Variants in NRXN3 observed in about 807,000 individuals in gnomAD.
NRXN3 encodes neurexin 3, also known as neurexin III.
Under a neutral mutation model 137.6 loss-of-function variants are expected in NRXN3, and 32 were observed. The ratio of observed to expected loss-of-function variants is 0.23; its 90% confidence interval spans 0.18 to 0.31. NRXN3 has a LOEUF of 0.31. Among genes scored for constraint, NRXN3 ranks in the 10% least tolerant of loss-of-function variants. The pLI is 1.00. For missense variants in NRXN3, 1,574 were observed against 2,062.5 expected, an observed-to-expected ratio of 0.76 and a Z score of 4.59; for synonymous variants, 798 against 784.5, an observed-to-expected ratio of 1.02 and a Z score of -0.29.
At chr14:79,111,829 A>G (rs2053587377) in intron 15 of NRXN3, among the ~76,000 whole-genome samples, 2 of 152,240 alleles carry the variant, frequency 1.3e-5, no homozygotes, top group Non-Finnish European at 1.5e-5. Flanking sequence ...AAAAATTGGG[A>G]AAAAAGGAAA....
intron 20 of NRXN3, among the ~76,000 whole-genome samples, chr14:79,827,479 C>T (rs2099308510): frequency 6.6e-6 from 1 of 152,062 alleles, no homozygotes; most frequent in South Asian, 2.1e-4. Flanking sequence ...GTGTGTTAGG[C>T]TATTCTTGCA....
chr14:79,744,344 A>T (rs1274195480), intron 19 of NRXN3, among the ~76,000 whole-genome samples: 2 of 152,204 alleles, frequency 1.3e-5, no homozygotes, highest in Non-Finnish European at 2.9e-5. Flanking sequence ...AATATAAATA[A>T]AGCTGAAAAG....
At chr14:78,582,122 T>C (rs747910195) in intron 4 of NRXN3, among the ~76,000 whole-genome samples, 1 of 152,244 alleles carries the variant, frequency 6.6e-6, no homozygotes, top group African/African-American at 2.4e-5. Flanking sequence ...TGATTGTGGG[T>C]GAGCTCATGG....
chr14:79,178,287 T>C (rs577713228), intron 15 of NRXN3, among the ~76,000 whole-genome samples: 2 of 152,276 alleles, frequency 1.3e-5, no homozygotes, highest in Non-Finnish European at 2.9e-5. Flanking sequence ...AATGACCATC[T>C]GTGGTTAAAT....
chr14:79,735,116 C>T (rs1010874137), intron 19 of NRXN3, among the ~76,000 whole-genome samples: 1 of 152,198 alleles, frequency 6.6e-6, no homozygotes, highest in Non-Finnish European at 1.5e-5. Context: ...AATACAGCAG[C>T]TTCTCACTAT....
intron 15 of NRXN3, among the ~76,000 whole-genome samples, chr14:79,296,331 A>G (rs2084110436): frequency 6.6e-6 from 1 of 152,136 alleles, no homozygotes; most frequent in South Asian, 2.1e-4. Context: ...TTAGAGGGGA[A>G]GATGTCACAA....
chr14:78,794,294 A>T (rs2098814507), intron 8 of NRXN3, among the ~76,000 whole-genome samples: 1 of 152,202 alleles, frequency 6.6e-6, no homozygotes, highest in African/African-American at 2.4e-5. Flanking sequence ...AGGCTCAAGA[A>T]TTGCTTGAAC....
chr14:78,789,448 C>T (rs931507976), intron 8 of NRXN3, among the ~76,000 whole-genome samples: 8 of 152,096 alleles, frequency 5.3e-5, no homozygotes, highest in African/African-American at 1.9e-4. Context: ...GCCAGGGATA[C>T]CGCTAGATAT....
At chr14:78,616,035 G>A (rs913146446) in intron 4 of NRXN3, among the ~76,000 whole-genome samples, 7 of 152,212 alleles carry the variant, frequency 4.6e-5, no homozygotes, top group South Asian at 2.1e-4. Context: ...ATCCAAGTCC[G>A]TGCCGCCATC....
intron 8 of NRXN3, among the ~76,000 whole-genome samples, chr14:78,755,063 A>C (rs2098661547): frequency 6.6e-6 from 1 of 152,088 alleles, no homozygotes; most frequent in South Asian, 2.1e-4. Flanking sequence ...ACTCTCATGG[A>C]ATGCCCAGGC....
chr14:79,553,314 G>T (rs897428191), intron 16 of NRXN3, among the ~76,000 whole-genome samples: 2 of 152,040 alleles, frequency 1.3e-5, no homozygotes, highest in Non-Finnish European at 2.9e-5. Context: ...AGGGGAAGGG[G>T]AGGAAAGGGA....
intron 8 of NRXN3, 40 bp downstream of exon 8, chr14:78,715,179 G>A (rs1403375337): frequency 6.3e-7 from 1 of 1,580,790 alleles, no homozygotes; most frequent in Non-Finnish European, 8.6e-7. Context: ...GGCCTGAGTG[G>A]GGCTGATGTG....
intron 20 of NRXN3, among the ~76,000 whole-genome samples, chr14:79,812,817 T>C (rs2099238907): frequency 6.6e-6 from 1 of 152,140 alleles, no homozygotes; most frequent in African/African-American, 2.4e-5. Flanking sequence ...TCATGAGAAC[T>C]TCCTGATTCC....
intron 15 of NRXN3, among the ~76,000 whole-genome samples, chr14:79,373,984 G>A (rs2094187940): frequency 6.6e-6 from 1 of 152,034 alleles, no homozygotes; most frequent in African/African-American, 2.4e-5. Context: ...CCCTCATGAG[G>A]TACTCATCAT....
At chr14:79,508,963 G>A (rs182676717) in intron 16 of NRXN3, among the ~76,000 whole-genome samples, 25 of 152,050 alleles carry the variant, frequency 1.6e-4, no homozygotes, top group African/African-American at 5.5e-4. Flanking sequence ...AGGCAGAGGC[G>A]GGTGGATCAT....
intron 15 of NRXN3, among the ~76,000 whole-genome samples, chr14:79,380,905 T>C (rs185455966): frequency 4.5e-4 from 68 of 152,200 alleles, no homozygotes; most frequent in African/African-American, 1.6e-3. Context: ...GTGCAGGTCA[T>C]GCTAAGTATG....
At chr14:79,124,338 C>A (rs2056023340) in intron 15 of NRXN3, among the ~76,000 whole-genome samples, 1 of 152,186 alleles carries the variant, frequency 6.6e-6, no homozygotes, top group Admixed American at 6.5e-5. Flanking sequence ...GATAGGAATA[C>A]TCAGAGACAA....
intron 19 of NRXN3, among the ~76,000 whole-genome samples, chr14:79,754,198 C>G (rs990072397): frequency 1.3e-5 from 2 of 151,614 alleles, no homozygotes; most frequent in South Asian, 2.1e-4. Flanking sequence ...AAAAATTATT[C>G]AGGTGTGGTG....
intron 15 of NRXN3, among the ~76,000 whole-genome samples, chr14:79,163,677 T>C (rs2061017762): frequency 6.6e-6 from 1 of 151,916 alleles, no homozygotes; most frequent in African/African-American, 2.4e-5. Context: ...TGGTATAAGC[T>C]GTGTGAATAT....
Sources: gnomAD v4.1 joint callset for allele counts (sites outside exome capture counted in the v4.1 genomes callset) on GRCh38, gnomAD v4.1.1 for gene constraint, MANE v1.5 for transcripts, NCBI Gene and HGNC (gene_info 2026-07-23, HGNC 2026-07-21) for gene names.